The following STXBP6 variants were observed in gnomAD, a reference collection of about 807,000 sequenced individuals.
STXBP6 encodes syntaxin binding protein 6.
A neutral mutation model predicts 26.9 loss-of-function variants in STXBP6; 21 were observed. The ratio of observed to expected loss-of-function variants is 0.78; its 90% CI spans 0.55 to 1.12. STXBP6 has a LOEUF of 1.12. Ranked by LOEUF, STXBP6 falls within the 50% of genes most tolerant of loss-of-function variation. The pLI, the probability that STXBP6 is intolerant of heterozygous loss-of-function variation, is 0.00. For missense variants in STXBP6, 232 were observed against 257.9 expected, an observed-to-expected ratio of 0.90 and a Z score of 0.69; for synonymous variants, 97 against 92.6, an observed-to-expected ratio of 1.05 and a Z score of -0.27.
At chr14:25,031,324 G>A (rs2075450260) in intron 1 of STXBP6, among the ~76,000 whole-genome samples, 1 of 152,176 alleles carries the variant, frequency 6.6e-6, no homozygotes. Context: ...CGAGAGATTG[G>A]AATTAAGAAT....
intron 1 of STXBP6, among the ~76,000 whole-genome samples, chr14:24,987,294 A>C (rs1370413616): frequency 6.6e-6 from 1 of 152,168 alleles, no homozygotes; most frequent in African/African-American, 2.4e-5. Context: ...TCATCACAGG[A>C]CCTAGGTCTG....
At chr14:24,904,545 A>G (rs913151566) in intron 2 of STXBP6, among the ~76,000 whole-genome samples, 2 of 152,198 alleles carry the variant, frequency 1.3e-5, no homozygotes, top group African/African-American at 4.8e-5. Flanking sequence ...TTAGCATCCA[A>G]TGTGACCGCA....
At chr14:24,854,843 C>A (rs766556499) in intron 4 of STXBP6, among the ~76,000 whole-genome samples, 5 of 151,992 alleles carry the variant, frequency 3.3e-5, no homozygotes, top group African/African-American at 9.7e-5. Context: ...CACTTTTGTA[C>A]CATAGGATGT....
At chr14:24,902,025 G>A (rs1246890675) in intron 2 of STXBP6, among the ~76,000 whole-genome samples, 4 of 152,056 alleles carry the variant, frequency 2.6e-5, no homozygotes, top group Admixed American at 2.0e-4. Context: ...TGAAATGAAC[G>A]AATCAAAAGC....
intron 2 of STXBP6, among the ~76,000 whole-genome samples, chr14:24,875,919 G>A (rs2070125448): frequency 6.6e-6 from 1 of 152,158 alleles, no homozygotes; most frequent in Non-Finnish European, 1.5e-5. Flanking sequence ...GAAATGACAA[G>A]TTCCTAAGCG....
At chr14:24,928,130 C>A (rs9323574) in intron 2 of STXBP6, among the ~76,000 whole-genome samples, 36,980 of 152,032 alleles carry the variant, frequency 0.24, 4,741 homozygotes, top group African/African-American at 0.33. Context: ...CAGCACCCTA[C>A]GAACTTCCTC....
intron 1 of STXBP6, among the ~76,000 whole-genome samples, chr14:24,990,032 C>T (rs887375220): frequency 2.6e-5 from 4 of 152,154 alleles, no homozygotes; most frequent in African/African-American, 9.7e-5. Flanking sequence ...TAAATGGTCC[C>T]ACAGTCAGCA....
At chr14:24,991,946 C>T (rs74037427) in intron 1 of STXBP6, among the ~76,000 whole-genome samples, 3,218 of 152,278 alleles carry the variant, frequency 0.021, 101 homozygotes, top group African/African-American at 0.071. Flanking sequence ...CCTCCTAATA[C>T]GACCATTCTC....
intron 1 of STXBP6, among the ~76,000 whole-genome samples, chr14:25,002,916 G>A (rs866131923): frequency 2.6e-5 from 4 of 151,592 alleles, no homozygotes; most frequent in East Asian, 3.9e-4. Context: ...TAGTGGAGAC[G>A]GGGTTTCACC....
intron 1 of STXBP6, among the ~76,000 whole-genome samples, chr14:25,036,398 G>A (rs17109515): frequency 0.12 from 18,534 of 151,882 alleles, 1,192 homozygotes; most frequent in Middle Eastern, 0.15. Flanking sequence ...CCGGACCCTT[G>A]GGGCAGCCAA....
At chr14:24,867,669 C>A (rs576252335) in intron 2 of STXBP6, among the ~76,000 whole-genome samples, 1 of 152,028 alleles carries the variant, frequency 6.6e-6, no homozygotes, top group Non-Finnish European at 1.5e-5. Flanking sequence ...AAAAATAAAT[C>A]GAAATGGGTG....
At chr14:25,035,422 T>G (rs1477924447) in intron 1 of STXBP6, among the ~76,000 whole-genome samples, 1 of 152,188 alleles carries the variant, frequency 6.6e-6, no homozygotes, top group Admixed American at 6.5e-5. Flanking sequence ...CAAAGCACCA[T>G]TTATACGTTT....
chr14:25,037,856 C>A (rs2075580440), intron 1 of STXBP6, among the ~76,000 whole-genome samples: 1 of 152,212 alleles, frequency 6.6e-6, no homozygotes, highest in African/African-American at 2.4e-5. Flanking sequence ...TCTGACTTTA[C>A]AATTGCCCTG....
intron 2 of STXBP6, among the ~76,000 whole-genome samples, chr14:24,914,975 C>A (rs1468795975): frequency 6.6e-6 from 1 of 152,190 alleles, no homozygotes. Context: ...CCTCAGCTTT[C>A]ACCATTATTA....
At chr14:24,883,538 T>C (rs2070452961) in intron 2 of STXBP6, among the ~76,000 whole-genome samples, 1 of 152,222 alleles carries the variant, frequency 6.6e-6, no homozygotes, top group Admixed American at 6.5e-5. Flanking sequence ...ACAGTGCTCA[T>C]GAATGGTAGA....
intron 2 of STXBP6, among the ~76,000 whole-genome samples, chr14:24,932,212 A>G (rs149779825): frequency 6.6e-6 from 1 of 152,160 alleles, no homozygotes; most frequent in Non-Finnish European, 1.5e-5. Flanking sequence ...TTTGAGACCA[A>G]CCTGGCTAAC....
chr14:24,882,336 G>A (rs1012893868), intron 2 of STXBP6, among the ~76,000 whole-genome samples: 3 of 113,004 alleles, frequency 2.7e-5, no homozygotes, highest in East Asian at 2.9e-4. Context: ...CCGAGATCCC[G>A]CCACTGCACT....
intron 2 of STXBP6, among the ~76,000 whole-genome samples, chr14:24,892,724 C>T (rs1051707095): frequency 1.3e-5 from 2 of 152,178 alleles, no homozygotes; most frequent in African/African-American, 2.4e-5. Context: ...CCATGCTGTT[C>T]CCACACTGGC....
At chr14:25,036,157 C>CA (rs2075546288) in intron 1 of STXBP6, among the ~76,000 whole-genome samples, 1 of 134,898 alleles carries the variant, frequency 7.4e-6, no homozygotes, top group Non-Finnish European at 1.5e-5. Context: ...ACGGAGGTTA[C>CA]AGTGAGCCGA....
Sources: gnomAD v4.1 joint callset for allele counts (sites outside exome capture counted in the v4.1 genomes callset) on GRCh38, gnomAD v4.1.1 for gene constraint, MANE v1.5 for transcripts, NCBI Gene and HGNC (gene_info 2026-07-23, HGNC 2026-07-21) for gene names.